Variants in PPFIA2 observed in about 807,000 individuals in gnomAD.
The protein encoded by PPFIA2 is PPFI scaffold protein A2.
PPFIA2 carries 46 observed loss-of-function variants against 175.5 expected under a neutral mutation model. The observed-to-expected ratio is 0.26, with a 90% CI of 0.21 to 0.34. The LOEUF (loss-of-function observed/expected upper bound fraction) is 0.34, where lower values mean the gene tolerates loss of function less well. Among genes scored for constraint, PPFIA2 ranks in the 10% least tolerant of loss-of-function variants. The pLI is 1.00. For missense variants in PPFIA2, 1,179 were observed against 1,506.1 expected (o/e 0.78, Z 3.60); for synonymous variants, 568 against 511.4 (o/e 1.11, Z -1.49).
At chr12:81,545,108 C>T (rs1440179575) in intron 4 of PPFIA2, among the ~76,000 whole-genome samples, 1 of 144,412 alleles carries the variant, frequency 6.9e-6, no homozygotes, top group Non-Finnish European at 1.6e-5. Flanking sequence ...CATTTTCAGC[C>T]TTCCACAGTA....
Position 81,750,503 on chromosome 12 carries a change from G to T in PPFIA2, c.249+3470C>A, listed in dbSNP as rs565823448. On this transcript the variant is annotated intron_variant, in intron 3 of 32. Coordinates refer to ENST00000549396, the MANE Select transcript of PPFIA2 (RefSeq NM_003625.5). ...AGGTTGTGAATTGGAGGTAGATGATGACTGGGTTTGGAGCATGTTGAATCT... is the reference window on the plus strand; with the variant it reads ...AGGTTGTGAATTGGAGGTAGATGATTACTGGGTTTGGAGCATGTTGAATCT... 1.2e-3 allele frequency among the ~76,000 whole-genome samples: 177 copies of T among 151,472 alleles called. 33 individuals carry two copies. The highest frequency in any genetic ancestry group is 2.3e-3 in the Non-Finnish European group (157 of 67,842).
chr12:81,552,946 C>G (rs778870638), intron 4 of PPFIA2, among the ~76,000 whole-genome samples: 3 of 151,972 alleles, frequency 2.0e-5, no homozygotes, highest in Non-Finnish European at 4.4e-5. Flanking sequence ...CACATTTTTT[C>G]CATATAATAA....
intron 4 of PPFIA2, among the ~76,000 whole-genome samples, chr12:81,525,587 C>G (rs566132447): frequency 6.6e-6 from 1 of 152,166 alleles, no homozygotes; most frequent in Non-Finnish European, 1.5e-5. Flanking sequence ...GGACTCAAAT[C>G]TGGCCTCTGA....
At chr12:81,435,532 C>T (rs568741257) in intron 7 of PPFIA2, among the ~76,000 whole-genome samples, 100 of 151,278 alleles carry the variant, frequency 6.6e-4, no homozygotes, top group Non-Finnish European at 1.3e-3. Context: ...AACTCCAAAC[C>T]CATCCGTGAG....
At chr12:81,693,423 G>A (rs1052102397) in intron 3 of PPFIA2, among the ~76,000 whole-genome samples, 1 of 151,998 alleles carries the variant, frequency 6.6e-6, no homozygotes, top group Non-Finnish European at 1.5e-5. Flanking sequence ...TGCTTTCACC[G>A]TGTGATGTCC....
chr12:81,643,130 T>C (rs2065579272), intron 4 of PPFIA2, among the ~76,000 whole-genome samples: 2 of 150,284 alleles, frequency 1.3e-5, no homozygotes, highest in East Asian at 1.9e-4. Context: ...TTAAAACATA[T>C]ATATCCAAAT....
chr12:81,389,307 G>C (rs993969541), intron 8 of PPFIA2, among the ~76,000 whole-genome samples: 24 of 151,566 alleles, frequency 1.6e-4, no homozygotes, highest in Non-Finnish European at 3.4e-4. Flanking sequence ...TTAAAATCTT[G>C]TTAATGCACT....
chr12:81,260,304 G>GT (rs1196080409), intron 32 of PPFIA2: 1 of 152,064 alleles, frequency 6.6e-6, no homozygotes, highest in Non-Finnish European at 1.5e-5. Context: ...CCAATTAATG[G>GT]TAAAAACTAG....
chr12:81,378,489 G>C (rs1451571960), intron 9 of PPFIA2, among the ~76,000 whole-genome samples: 1 of 152,080 alleles, frequency 6.6e-6, no homozygotes, highest in East Asian at 1.9e-4. Context: ...CTAGATTTTA[G>C]ATATCCTAAA....
intron 10 of PPFIA2, 29 bp downstream of exon 10, chr12:81,375,767 A>G: frequency 6.3e-7 from 1 of 1,576,756 alleles, no homozygotes; most frequent in Non-Finnish European, 8.7e-7. Context: ...CGCACAGACC[A>G]GAAGAAAACC....
intron 22 of PPFIA2, among the ~76,000 whole-genome samples, chr12:81,301,886 C>T (rs1307671943): frequency 6.6e-6 from 1 of 152,098 alleles, no homozygotes; most frequent in Non-Finnish European, 1.5e-5. Context: ...TTCTTATCCC[C>T]ATTGTTTGCT....
intron 3 of PPFIA2, among the ~76,000 whole-genome samples, chr12:81,721,397 G>A (rs897789685): frequency 1.3e-5 from 2 of 150,858 alleles, no homozygotes; most frequent in Admixed American, 1.3e-4. Flanking sequence ...TCTATATCTG[G>A]TAGAGTGATT....
At chr12:81,462,359 A>T (rs930816205) in intron 4 of PPFIA2, among the ~76,000 whole-genome samples, 2 of 145,776 alleles carry the variant, frequency 1.4e-5, no homozygotes, top group Non-Finnish European at 3.0e-5. Context: ...GTTGTGACTG[A>T]TCTAATTCTC....
chr12:81,573,291 A>T (rs1308099351), intron 4 of PPFIA2, among the ~76,000 whole-genome samples: 1 of 151,942 alleles, frequency 6.6e-6, no homozygotes, highest in Non-Finnish European at 1.5e-5. Flanking sequence ...TTTTAAATTA[A>T]TGATACCCTA....
At chr12:81,587,441 T>A (rs761530628) in intron 4 of PPFIA2, among the ~76,000 whole-genome samples, 9 of 152,048 alleles carry the variant, frequency 5.9e-5, no homozygotes, top group Non-Finnish European at 1.3e-4. Context: ...AACTGTGAGT[T>A]AATTAAACAT....
At chr12:81,273,886 C>T (rs964226583) in intron 28 of PPFIA2, among the ~76,000 whole-genome samples, 2 of 151,094 alleles carry the variant, frequency 1.3e-5, no homozygotes, top group Non-Finnish European at 2.9e-5. Context: ...TCTCCCCGCC[C>T]CCCCCCAAAC....
intron 7 of PPFIA2, among the ~76,000 whole-genome samples, chr12:81,411,928 G>A (rs527266507): frequency 2.4e-4 from 36 of 152,072 alleles, no homozygotes; most frequent in African/African-American, 8.4e-4. Flanking sequence ...TCTGAGTATG[G>A]GCTTGAGGAC....
chr12:81,442,904 T>A (rs1479617174), intron 6 of PPFIA2, among the ~76,000 whole-genome samples: 1 of 109,840 alleles, frequency 9.1e-6, no homozygotes, highest in Non-Finnish European at 1.9e-5. Context: ...TATATAGTAT[T>A]ACTTGTTTAT....
intron 4 of PPFIA2, among the ~76,000 whole-genome samples, chr12:81,459,682 A>G (rs1404224783): frequency 3.3e-5 from 5 of 152,168 alleles, no homozygotes; most frequent in Non-Finnish European, 7.4e-5. Flanking sequence ...GAGGGGAGAA[A>G]TTAGTGAAGA....
Sources: allele counts gnomAD v4.1 joint callset (sites outside exome capture counted in the v4.1 genomes callset), GRCh38; gene constraint gnomAD v4.1.1; transcripts MANE v1.5; gene names NCBI Gene and HGNC (gene_info 2026-07-23, HGNC 2026-07-21).